Variants in CCND3 observed in about 807,000 individuals in gnomAD.
The protein encoded by CCND3 is G1/S-specific cyclin-D3.
A neutral mutation model predicts 28.7 loss-of-function variants in CCND3; 9 were observed. The observed-to-expected ratio is 0.31, with a 90% CI of 0.19 to 0.55. The LOEUF is 0.55. Ranked by LOEUF, CCND3 falls within the 20% of genes least tolerant of loss-of-function variation. CCND3 has a pLI of 0.93. For synonymous variants in CCND3, 164 were observed against 163.9 expected, an observed-to-expected ratio of 1.00 and a Z score of 0.00; for missense variants, 315 against 385.8, an observed-to-expected ratio of 0.82 and a Z score of 1.54.
intron 1 of CCND3, among the ~76,000 whole-genome samples, chr6:41,967,367 T>A (rs936892252): frequency 6.6e-6 from 1 of 152,152 alleles, no homozygotes; most frequent in East Asian, 1.9e-4. Flanking sequence ...ACTTACTGAT[T>A]CCCTCTGAAA....
At chr6:41,986,725 A>C (rs1334567899) in intron 1 of CCND3, among the ~76,000 whole-genome samples, 1 of 151,990 alleles carries the variant, frequency 6.6e-6, no homozygotes, top group East Asian at 1.9e-4. Flanking sequence ...AGACAATGTT[A>C]CTTCTTCTTT....
At chr6:42,041,559 A>G (rs1017994008) in intron 1 of CCND3, among the ~76,000 whole-genome samples, 15 of 152,252 alleles carry the variant, frequency 9.9e-5, no homozygotes, top group African/African-American at 3.4e-4. Flanking sequence ...CACCGCTTAC[A>G]GAAAAGACAA....
chr6:41,935,580 G>A lies in CCND3; in HGVS notation c.*360C>T. On this transcript the variant is annotated 3_prime_UTR_variant, in exon 5 of 5. Transcript: ENST00000372991. ...GACAACACCTTTAGAAGGCACTAGA[G>A]CATTTTGGCAGTTGAAAACATGAGA... 2.1e-6 allele frequency: 1 copy of A among 465,708 alleles called. No individual in the cohort carries two copies. Among genetic ancestry groups the A allele is most frequent in the South Asian group, 4.6e-5 (1 of 21,626 alleles). 28.8% of individuals were successfully genotyped at this position (465,708 alleles called of 1,614,324 possible).
intron 1 of CCND3, among the ~76,000 whole-genome samples, chr6:41,946,973 A>C (rs1441383793): frequency 6.6e-6 from 1 of 152,122 alleles, no homozygotes; most frequent in African/African-American, 2.4e-5. Context: ...TAATCCCAGC[A>C]CTTTGGGAGG....
chr6:41,936,083 G>C lies in CCND3; in HGVS notation c.736C>G (p.Gln246Glu). 6.2e-7 allele frequency: 1 copy of C among 1,602,448 alleles called. No homozygotes were observed. The highest frequency in any genetic ancestry group is 8.5e-7 in the Non-Finnish European group (1 of 1,173,508). ...CTCTCCCTGAGTGCAGCTTCGATCT[G>C]CTCCTGACAGGCCCGCAGGCAGTCC... ...EVDCLRACQE[Q>E]IEAALRESLR... Residue 246 changes from glutamine to glutamate, a missense_variant, in exon 5 of 5, where the codon CAG becomes GAG. Coordinates refer to ENST00000372991, the MANE Select transcript of CCND3 (RefSeq NM_001760.5). The surrounding 1 kb of genome is among the most constrained non-coding windows in gnomAD (Gnocchi z 4.4).
At chr6:41,940,341 G>T (rs1466461639) in intron 2 of CCND3, 29 bp downstream of exon 2, 2 of 1,563,508 alleles carry the variant, frequency 1.3e-6, no homozygotes, top group Non-Finnish European at 1.8e-6. Context: ...GACAATACGT[G>T]TCGGGGGTGG....
At chr6:42,000,439 A>C (rs1025578786) in intron 1 of CCND3, among the ~76,000 whole-genome samples, 12 of 150,400 alleles carry the variant, frequency 8.0e-5, no homozygotes, top group African/African-American at 2.7e-4. Context: ...ACAGGGTTTC[A>C]TCGTGGTCTC....
At chr6:42,041,351 C>T (rs1322901950) in intron 1 of CCND3, among the ~76,000 whole-genome samples, 2 of 152,168 alleles carry the variant, frequency 1.3e-5, no homozygotes, top group East Asian at 3.8e-4. Context: ...AGGTAGAATT[C>T]AAAGAAAAGA....
intron 1 of CCND3, among the ~76,000 whole-genome samples, chr6:42,004,296 G>T (rs550636294): frequency 6.6e-6 from 1 of 151,800 alleles, no homozygotes; most frequent in African/African-American, 2.4e-5. Context: ...ATGGCAGAGG[G>T]TTAAAAGATG....
intron 1 of CCND3, among the ~76,000 whole-genome samples, chr6:42,014,750 T>C (rs1430222864): frequency 6.6e-6 from 1 of 152,228 alleles, no homozygotes; most frequent in Non-Finnish European, 1.5e-5. Flanking sequence ...ATCAAGCCAC[T>C]GCACTCCAGC....
intron 1 of CCND3, among the ~76,000 whole-genome samples, chr6:42,036,852 G>A (rs1764234343): frequency 6.6e-6 from 1 of 152,198 alleles, no homozygotes; most frequent in South Asian, 2.1e-4. Flanking sequence ...TTGCAAAAAT[G>A]TAAAACAAGG....
intron 1 of CCND3, among the ~76,000 whole-genome samples, chr6:41,959,494 C>T: frequency 6.6e-6 from 1 of 151,654 alleles, no homozygotes; most frequent in East Asian, 1.9e-4. Context: ...ACCATCCTGG[C>T]CAACATGGTG....
At chr6:41,954,289 A>C (rs1349862346) in intron 1 of CCND3, among the ~76,000 whole-genome samples, 1 of 127,450 alleles carries the variant, frequency 7.8e-6, no homozygotes, top group Non-Finnish European at 1.6e-5. Context: ...GTGGTGGCTC[A>C]TACCTGTAAT....
chr6:41,980,870 G>A (rs2127412147), intron 1 of CCND3, among the ~76,000 whole-genome samples: 1 of 152,176 alleles, frequency 6.6e-6, no homozygotes, highest in South Asian at 2.1e-4. Context: ...GAATAGAGGG[G>A]AACTTTCTCA....
chr6:41,951,952 C>T (rs968596031), intron 1 of CCND3, among the ~76,000 whole-genome samples: 24 of 151,872 alleles, frequency 1.6e-4, no homozygotes, highest in South Asian at 4.2e-4. Flanking sequence ...AGTAGAGACG[C>T]GGTTTCACCA....
chr6:41,980,328 G>A (rs1762309100), intron 1 of CCND3, among the ~76,000 whole-genome samples: 1 of 152,032 alleles, frequency 6.6e-6, no homozygotes, highest in Non-Finnish European at 1.5e-5. Flanking sequence ...TTGAGACGGG[G>A]TTTTACCATG....
intron 1 of CCND3, among the ~76,000 whole-genome samples, chr6:41,953,096 A>T (rs947324138): frequency 6.6e-6 from 1 of 152,018 alleles, no homozygotes; most frequent in Non-Finnish European, 1.5e-5. Flanking sequence ...ATATGGTGAA[A>T]CCCTGTCTCT....
chr6:41,958,784 G>A lies in CCND3; in HGVS notation c.-45-18199C>T, dbSNP rs184991678. On this transcript the variant is annotated intron_variant, in intron 1 of 4. Coordinates refer to the CCND3 transcript ENST00000372988. The stretch of plus-strand genomic sequence containing the variant: ...TCTTATTGGCATATTTCTTAATGGT[G>A]CACCCTTTCACTCTCAGAAGCGTCT... Among the ~76,000 whole-genome samples, 46 of 152,242 alleles carry A rather than the reference G, an allele frequency of 3.0e-4. 1 individual carries two copies. In the East Asian group the frequency reaches 8.7e-3, roughly 29 times the overall value.
chr6:41,949,828 C>T (rs1776258939), intron 1 of CCND3, among the ~76,000 whole-genome samples: 1 of 151,864 alleles, frequency 6.6e-6, no homozygotes, highest in Non-Finnish European at 1.5e-5. Flanking sequence ...GGTGTGGTGG[C>T]TCAAGCCTGT....
Sources: gnomAD v4.1 joint callset for allele counts (sites outside exome capture counted in the v4.1 genomes callset) on GRCh38, gnomAD v4.1.1 for gene constraint, Gnocchi (gnomAD v3.1) non-coding constraint, MANE v1.5 for transcripts, NCBI Gene and HGNC (gene_info 2026-07-23, HGNC 2026-07-21) for gene names.